The following AFF2 variants were observed in gnomAD, a reference collection of about 807,000 sequenced individuals.
AFF2 encodes AF4/FMR2 family member 2.
Under a neutral mutation model 76.9 loss-of-function variants are expected in AFF2, and 14 were observed. The ratio of observed to expected loss-of-function variants is 0.18; its 90% CI spans 0.12 to 0.28. AFF2 has a LOEUF of 0.28. Ranked by LOEUF, AFF2 falls within the 10% of genes least tolerant of loss-of-function variation. The pLI is 1.00. For synonymous variants in AFF2, 398 were observed against 366.7 expected, an observed-to-expected ratio of 1.09 and a Z score of -0.98; for missense variants, 868 against 1,001.1, an observed-to-expected ratio of 0.87 and a Z score of 1.79.
intron 4 of AFF2, 134 bp downstream of exon 4, chrX:148,810,054 C>A: frequency 1.8e-6 from 1 of 570,339 alleles, no homozygotes; most frequent in Non-Finnish European, 2.8e-6. Context: ...CAAGACCCTT[C>A]TGCTTATTCC....
At chrX:148,796,541 A>G (rs187559658) in intron 3 of AFF2, among the ~76,000 whole-genome samples, 1 of 112,322 alleles carries the variant, frequency 8.9e-6, no homozygotes, top group Non-Finnish European at 1.9e-5. Context: ...GTATTGCATT[A>G]GACAATGCGA....
chrX:148,931,679 G>C (rs782212115), intron 9 of AFF2, among the ~76,000 whole-genome samples: 48 of 112,132 alleles, frequency 4.3e-4, no homozygotes, highest in African/African-American at 1.6e-3. Flanking sequence ...TTATTCTGCT[G>C]TAGGTATTAT....
At chrX:148,780,313 G>C (rs1039202596) in intron 3 of AFF2, among the ~76,000 whole-genome samples, 1 of 111,791 alleles carries the variant, frequency 8.9e-6, no homozygotes, top group Admixed American at 9.4e-5. Context: ...GGTTGGGGAG[G>C]TTCTCCTGGA....
intron 3 of AFF2, among the ~76,000 whole-genome samples, chrX:148,727,963 G>T (rs1450939706): frequency 8.9e-6 from 1 of 112,328 alleles, no homozygotes; most frequent in Non-Finnish European, 1.9e-5. Flanking sequence ...TGATGGTGTT[G>T]ATGTCTTTGG....
At chrX:148,832,313 T>C (rs974550267) in intron 4 of AFF2, among the ~76,000 whole-genome samples, 1 of 112,466 alleles carries the variant, frequency 8.9e-6, no homozygotes. Flanking sequence ...TGTGAAAATA[T>C]TGATAAACTT....
intron 3 of AFF2, among the ~76,000 whole-genome samples, chrX:148,756,616 C>A (rs1025057605): frequency 2.7e-5 from 3 of 112,327 alleles, no homozygotes; most frequent in African/African-American, 9.7e-5. Flanking sequence ...TTCACCATGT[C>A]TAACTCACAT....
rs782508166 is a variant in AFF2 at position 148,916,196 on chromosome X, C to CTTTT, written c.1397+11966_1397+11969dup. Among the ~76,000 whole-genome samples the CTTTT allele has an allele frequency of 5.6e-4, 19 of 34,036 alleles. 2 individuals carry two copies. The highest frequency in any genetic ancestry group is 2.2e-3 in the African/African-American group (18 of 8,054). The allele number at this position is 34,036 out of a possible 115,157, so 29.6% of individuals were successfully genotyped here. ...AATAGACTTTTGAATGTGGTTTTAA[C>CTTTT]TTTTTTTTTTTTTTTTTTTTTTTTT... On this transcript the variant is annotated intron_variant, in intron 9 of 20. Transcript: ENST00000370460.
chrX:148,963,251 T>A (rs2124378181), intron 13 of AFF2, among the ~76,000 whole-genome samples: 1 of 112,054 alleles, frequency 8.9e-6, no homozygotes, highest in Admixed American at 9.5e-5. Flanking sequence ...ATATTAATAT[T>A]TGCTCCTAGA....
At chrX:148,900,598 C>T (rs1171407488) in intron 8 of AFF2, among the ~76,000 whole-genome samples, 1 of 111,151 alleles carries the variant, frequency 9.0e-6, no homozygotes, top group South Asian at 3.8e-4. Flanking sequence ...CTTCCCCATC[C>T]TCAGGGTCCA....
chrX:148,797,276 G>A (rs2069997323), intron 3 of AFF2, among the ~76,000 whole-genome samples: 1 of 111,902 alleles, frequency 8.9e-6, no homozygotes, highest in African/African-American at 3.2e-5. Flanking sequence ...CAACCCGCTT[G>A]TTTTACATCT....
At chrX:148,785,601 G>C (rs2069808690) in intron 3 of AFF2, among the ~76,000 whole-genome samples, 1 of 111,445 alleles carries the variant, frequency 9.0e-6, no homozygotes, top group Non-Finnish European at 1.9e-5. Context: ...GTATGCTATA[G>C]ATATGTTCCC....
chrX:148,547,613 G>A (rs1459404910), intron 1 of AFF2, among the ~76,000 whole-genome samples: 1 of 111,895 alleles, frequency 8.9e-6, no homozygotes, highest in Non-Finnish European at 1.9e-5. Context: ...TCTGAGGAAG[G>A]GAGTGCTTTT....
At chrX:148,787,127 G>A (rs782696084) in intron 3 of AFF2, among the ~76,000 whole-genome samples, 18 of 112,355 alleles carry the variant, frequency 1.6e-4, no homozygotes, top group African/African-American at 5.8e-4. Flanking sequence ...TACATATCTA[G>A]TCACAACTGT....
chrX:148,928,674 C>T (rs1175564072), intron 9 of AFF2, among the ~76,000 whole-genome samples: 5 of 112,259 alleles, frequency 4.5e-5, no homozygotes, highest in African/African-American at 1.6e-4. Context: ...CACTCAGAAG[C>T]AGGCCCTGTT....
rs781796069 is a variant in AFF2 at position 148,955,894 on chromosome X, A to G, written c.1849A>G (p.Thr617Ala). Residue 617 changes from threonine to alanine, a missense_variant, in exon 11 of 21, where the codon ACT becomes GCT. By Grantham distance (58) the Thr-to-Ala change is moderately conservative (BLOSUM62 0). Coordinates refer to ENST00000370460, the MANE Select transcript of AFF2 (RefSeq NM_002025.4). ...GGCTTTGAAGCATAAGTTGTCAACA[A>G]CTAGTGAGACAGTGTCTCAAAGGAC... is the stretch of plus-strand genomic sequence containing the variant. ...TKALKHKLST[T>A]SETVSQRTIG... is the part of the protein sequence containing the mutation. The G allele has an allele frequency of 2.5e-6, 3 of 1,211,912 alleles. No homozygotes were observed. Among genetic ancestry groups the G allele is most frequent in the East Asian group, 3.0e-5 (1 of 33,858 alleles).
At chrX:148,545,845 A>T (rs1181364937) in intron 1 of AFF2, among the ~76,000 whole-genome samples, 1 of 111,475 alleles carries the variant, frequency 9.0e-6, no homozygotes, top group Non-Finnish European at 1.9e-5. Context: ...GGGCTTGAGA[A>T]TGAGCGTTTC....
intron 1 of AFF2, among the ~76,000 whole-genome samples, chrX:148,541,783 A>G (rs2052860321): frequency 9.1e-6 from 1 of 110,187 alleles, no homozygotes; most frequent in Non-Finnish European, 1.9e-5. Flanking sequence ...TCTATGCATA[A>G]CAGAAGAGCT....
At chrX:148,503,692 T>C (rs1459542829) in intron 1 of AFF2, among the ~76,000 whole-genome samples, 1 of 112,390 alleles carries the variant, frequency 8.9e-6, no homozygotes, top group Non-Finnish European at 1.9e-5. Flanking sequence ...AAAAAGTGTG[T>C]GCCCATTTAT....
intron 1 of AFF2, among the ~76,000 whole-genome samples, chrX:148,629,534 T>C (rs2053960018): frequency 8.9e-6 from 1 of 111,830 alleles, no homozygotes; most frequent in African/African-American, 3.2e-5. Context: ...GGTACAGAGT[T>C]TGATGAGTGA....
Sources: gnomAD v4.1 joint callset for allele counts (sites outside exome capture counted in the v4.1 genomes callset) on GRCh38, gnomAD v4.1.1 for gene constraint, MANE v1.5 for transcripts, NCBI Gene and HGNC (gene_info 2026-07-23, HGNC 2026-07-21) for gene names.